SPAG9: variants seen among roughly 807,000 people sequenced by gnomAD.
SPAG9 encodes sperm associated antigen 9.
A neutral mutation model predicts 166.5 loss-of-function variants in SPAG9; 35 were observed. The observed-to-expected ratio is 0.21, with a 90% CI of 0.16 to 0.28. The LOEUF (loss-of-function observed/expected upper bound fraction) is 0.28, where lower values mean the gene tolerates loss of function less well. Ranked by LOEUF, SPAG9 falls within the 10% of genes least tolerant of loss-of-function variation. The probability of loss-of-function intolerance (pLI) is 1.00; values close to 1 mark genes in which losing one functional copy is unlikely to be tolerated. For missense variants in SPAG9, 1,235 were observed against 1,603.3 expected, an observed-to-expected ratio of 0.77 and a Z score of 3.92; for synonymous variants, 534 against 565.5, an observed-to-expected ratio of 0.94 and a Z score of 0.79.
intron 1 of SPAG9, among the ~76,000 whole-genome samples, chr17:51,096,006 G>GATATAT (rs369064263): frequency 2.3e-5 from 2 of 88,576 alleles, no homozygotes; most frequent in African/African-American, 9.9e-5. Flanking sequence ...TATATATAGT[G>GATATAT]ATATATATAT....
chr17:51,025,645 C>CT, intron 6 of SPAG9, among the ~76,000 whole-genome samples: 1 of 152,172 alleles, frequency 6.6e-6, no homozygotes. Context: ...AATCCCAGCA[C>CT]TTTGAGAGGT....
intron 1 of SPAG9, among the ~76,000 whole-genome samples, chr17:51,098,738 C>T (rs1290978704): frequency 6.6e-6 from 1 of 151,772 alleles, no homozygotes; most frequent in African/African-American, 2.4e-5. Flanking sequence ...GTGATCCGCC[C>T]CCCTCGGCCT....
At chr17:51,009,609 T>C (rs1464858519) in intron 9 of SPAG9, among the ~76,000 whole-genome samples, 1 of 152,206 alleles carries the variant, frequency 6.6e-6, no homozygotes, top group Non-Finnish European at 1.5e-5. Context: ...AATTTCCTTG[T>C]ATTGTACTTC....
chr17:51,072,720 T>C (rs2047858055), intron 2 of SPAG9, among the ~76,000 whole-genome samples: 1 of 151,542 alleles, frequency 6.6e-6, no homozygotes, highest in Non-Finnish European at 1.5e-5. Flanking sequence ...TAAGATTAGA[T>C]AGCCCAGATC....
intron 23 of SPAG9, 101 bp from the exon 24 acceptor site, chr17:50,985,091 G>A (rs1266486278): frequency 2.2e-6 from 2 of 924,168 alleles, no homozygotes; most frequent in Non-Finnish European, 3.5e-6. Flanking sequence ...GCCAATCTGT[G>A]ATGAGTTAAG....
At chr17:51,009,048 T>C (rs1412043639) in intron 9 of SPAG9, 1 of 380,266 alleles carries the variant, frequency 2.6e-6, no homozygotes, top group Non-Finnish European at 5.1e-6. Context: ...AAAAAAATGA[T>C]GAGAAAGCAT....
At chr17:51,038,559 C>T (rs944370626) in intron 5 of SPAG9, among the ~76,000 whole-genome samples, 15 of 152,160 alleles carry the variant, frequency 9.9e-5, no homozygotes, top group African/African-American at 3.6e-4. Context: ...CATGTTGGTG[C>T]AGTAGGTAGG....
chr17:51,005,152 T>C, intron 12 of SPAG9, 60 bp downstream of exon 12: 1 of 1,425,386 alleles, frequency 7.0e-7, no homozygotes, highest in Non-Finnish European at 9.9e-7. Flanking sequence ...CGTAGGAAGA[T>C]CTTCCCGAAA....
At chr17:51,041,336 C>T (rs2046831099) in intron 5 of SPAG9, among the ~76,000 whole-genome samples, 165 bp downstream of exon 5, 1 of 152,092 alleles carries the variant, frequency 6.6e-6, no homozygotes, top group African/African-American at 2.4e-5. Context: ...TAGTAAAAAA[C>T]ACACTCTTTG....
At chr17:51,054,116 CTTTT>C (rs1157639358) in intron 3 of SPAG9, among the ~76,000 whole-genome samples, 1 of 73,948 alleles carries the variant, frequency 1.4e-5, no homozygotes, top group Non-Finnish European at 2.4e-5. Flanking sequence ...AATGTGAGGG[CTTTT>C]TTTTTTTTTT....
chr17:50,975,198 C>A, intron 27 of SPAG9: 6 of 370,740 alleles, frequency 1.6e-5, no homozygotes, highest in South Asian at 5.2e-5. Context: ...TTTTTAAACA[C>A]ATCTATTCAT....
intron 18 of SPAG9, among the ~76,000 whole-genome samples, chr17:50,994,202 C>T (rs1168286065): frequency 3.3e-5 from 5 of 152,182 alleles, no homozygotes; most frequent in African/African-American, 1.2e-4. Context: ...ATGCTATTCT[C>T]GTGATAGTGA....
intron 1 of SPAG9, among the ~76,000 whole-genome samples, chr17:51,086,004 T>C (rs994449801): frequency 1.4e-5 from 2 of 142,166 alleles, no homozygotes; most frequent in Non-Finnish European, 3.0e-5. Context: ...AGTCTCACTC[T>C]GTCGCCCAGG....
Position 51,101,309 on chromosome 17 carries a change from G to A in SPAG9, c.303+19045C>T, listed in dbSNP as rs1459077717. The stretch of plus-strand genomic sequence containing the variant: ...TACAGTGAGCCGAGATCGCACTACT[G>A]CACTCCAGCCTGAGTGACACTGTGA... On this transcript the variant is annotated intron_variant, in intron 1 of 29. Coordinates refer to ENST00000262013, the MANE Select transcript of SPAG9 (RefSeq NM_001130528.3). Among the ~76,000 whole-genome samples the A allele has an allele frequency of 6.6e-5, 9 of 135,522 alleles. No homozygotes were observed. In the East Asian group the frequency reaches 1.8e-3, roughly 27 times the overall value. The allele number at this position is 135,522 out of a possible 152,430, so 88.9% of individuals were successfully genotyped here.
intron 5 of SPAG9, among the ~76,000 whole-genome samples, chr17:51,041,214 C>T (rs2046824882): frequency 6.6e-6 from 1 of 151,976 alleles, no homozygotes; most frequent in African/African-American, 2.4e-5. Context: ...CACTAGTTAC[C>T]CTACTCTAAA....
chr17:51,010,550 T>C (rs1299437595), intron 9 of SPAG9, among the ~76,000 whole-genome samples: 2 of 141,046 alleles, frequency 1.4e-5, no homozygotes, highest in Non-Finnish European at 3.1e-5. Context: ...GATGTATCAC[T>C]TAAGCAAGGC....
At chr17:51,020,436 T>C (rs1173374981) in intron 7 of SPAG9, among the ~76,000 whole-genome samples, 178 bp from the exon 8 acceptor site, 3 of 152,184 alleles carry the variant, frequency 2.0e-5, no homozygotes, top group African/African-American at 7.2e-5. Flanking sequence ...TAACAGATTG[T>C]ATCAAAAACT....
At chr17:50,987,323 GT>G (rs2143788401) in intron 21 of SPAG9, 86 bp from the exon 22 acceptor site, 2 of 1,214,534 alleles carry the variant, frequency 1.6e-6, no homozygotes, top group South Asian at 3.1e-5. Flanking sequence ...CTATATTTAA[GT>G]TTGTTCATTT....
chr17:50,975,926 G>C (rs1391280029), intron 27 of SPAG9: 5 of 1,526,216 alleles, frequency 3.3e-6, no homozygotes, highest in Middle Eastern at 1.7e-4. Context: ...GAGGAAAGGG[G>C]ACATGGAGAG....
Sources: gnomAD v4.1 joint callset for allele counts (sites outside exome capture counted in the v4.1 genomes callset) on GRCh38, gnomAD v4.1.1 for gene constraint, MANE v1.5 for transcripts, NCBI Gene and HGNC (gene_info 2026-07-23, HGNC 2026-07-21) for gene names.